Variants in MED12L observed in about 807,000 individuals in gnomAD.
The protein encoded by MED12L is mediator complex subunit 12L.
MED12L carries 60 observed loss-of-function variants against 281.3 expected under a neutral mutation model. That is an observed-to-expected ratio of 0.21 (90% CI 0.17 to 0.26). The LOEUF (loss-of-function observed/expected upper bound fraction) is 0.26. Ranked by LOEUF, MED12L falls within the 10% of genes least tolerant of loss-of-function variation. The pLI, the probability that MED12L is intolerant of heterozygous loss-of-function variation, is 1.00. For synonymous variants in MED12L, 974 were observed against 987.2 expected, an observed-to-expected ratio of 0.99 and a Z score of 0.25; for missense variants, 2,146 against 2,680.9, an observed-to-expected ratio of 0.80 and a Z score of 4.41.
At chr3:151,224,430 G>T (rs1299003090) in intron 16 of MED12L, among the ~76,000 whole-genome samples, 2 of 150,678 alleles carry the variant, frequency 1.3e-5, no homozygotes, top group Non-Finnish European at 2.9e-5. Context: ...AATCTCTCAT[G>T]CCTTAATGTT....
chr3:151,412,672 A>C (rs1717090667), intron 41 of MED12L, among the ~76,000 whole-genome samples: 1 of 152,208 alleles, frequency 6.6e-6, no homozygotes, highest in Non-Finnish European at 1.5e-5. Flanking sequence ...ACAAACTTGA[A>C]TTTCAAAGCC....
chr3:151,270,197 G>A (rs1024476938), intron 16 of MED12L: 1 of 3,856 alleles, frequency 2.6e-4, no homozygotes, highest in Admixed American at 5.3e-3. Flanking sequence ...GCAAGCTGTC[G>A]TGTGTGTGTG....
chr3:151,227,417 A>G (rs1246184918), intron 16 of MED12L, among the ~76,000 whole-genome samples: 2 of 151,604 alleles, frequency 1.3e-5, no homozygotes, highest in African/African-American at 4.9e-5. Flanking sequence ...TGAGAATGGT[A>G]AGGGGGGACG....
At chr3:151,161,571 A>G (rs1719989161) in intron 8 of MED12L, among the ~76,000 whole-genome samples, 1 of 152,102 alleles carries the variant, frequency 6.6e-6, no homozygotes, top group Non-Finnish European at 1.5e-5. Flanking sequence ...TAACAGTAAT[A>G]TTGTCATAAT....
chr3:151,294,289 C>T, intron 16 of MED12L: 2 of 1,613,846 alleles, frequency 1.2e-6, no homozygotes, highest in Non-Finnish European at 1.7e-6. Flanking sequence ...TTGAAAATGA[C>T]CTACACATGA....
intron 11 of MED12L, among the ~76,000 whole-genome samples, chr3:151,183,135 CAG>C (rs1448231256): frequency 6.6e-6 from 1 of 151,950 alleles, no homozygotes. Context: ...CCAAAACAAA[CAG>C]TGTTTTTCTT....
At chr3:151,373,121 C>T (rs759130661) in intron 27 of MED12L, among the ~76,000 whole-genome samples, 2 of 152,032 alleles carry the variant, frequency 1.3e-5, no homozygotes, top group African/African-American at 2.4e-5. Flanking sequence ...TATTAAACAT[C>T]AGAAAATTTA....
At chr3:151,364,843 A>T in intron 21 of MED12L, 136 bp from the exon 22 acceptor site, 1 of 642,864 alleles carries the variant, frequency 1.6e-6, no homozygotes, top group Non-Finnish European at 2.7e-6. Context: ...AAGAAGTTCT[A>T]ATTAAGAACT....
At position 151,337,972 on chromosome 3, in the gene MED12L, A is replaced by C. The variant is rs781386522; in HGVS notation, c.2251-12087A>C. On this transcript the variant is annotated intron_variant, in intron 16 of 44. Transcript: ENST00000687756. The stretch of plus-strand genomic sequence containing the variant: ...AAAAAATAGATGAACGGATCCAGGC[A>C]TGCATTTAAGGAAGTTAACCACAGA... 4 of 1,614,150 alleles carry C rather than the reference A, an allele frequency of 2.5e-6. No individual in the cohort carries two copies. In the South Asian group the frequency reaches 4.4e-5, roughly 18 times the overall value.
intron 16 of MED12L, chr3:151,198,357 A>G (rs200325714): frequency 2.7e-6 from 2 of 732,414 alleles, no homozygotes; most frequent in Non-Finnish European, 3.6e-6. Context: ...TTTTTTTTTT[A>G]TCTTTCAAAG....
Position 151,435,260 on chromosome 3 carries a change from A to G in MED12L, c.*2456A>G, listed in dbSNP as rs75480122. 8.0e-6 allele frequency: 1 copy of G among 124,690 alleles called. No homozygotes were observed. The highest frequency in any genetic ancestry group is 1.7e-5 in the Non-Finnish European group (1 of 57,806). 7.7% of individuals were successfully genotyped at this position (124,690 alleles called of 1,614,324 possible). A position where few individuals can be genotyped will look rare whatever the true frequency, so the allele number is the denominator to read the frequency against. On this transcript the variant is annotated 3_prime_UTR_variant, in exon 45 of 45. Coordinates refer to ENST00000687756, the MANE Select transcript of MED12L (RefSeq NM_001393769.1). Reference sequence around the variant, plus strand: ...TGGAGTCAGCTATACCTATCAATCAATCACAGTTCTTGGATATAAGAAGCC... The same window carrying G: ...TGGAGTCAGCTATACCTATCAATCAGTCACAGTTCTTGGATATAAGAAGCC...
At chr3:151,394,917 T>C (rs1467367772) in intron 39 of MED12L, 50 bp downstream of exon 39, 2 of 1,608,822 alleles carry the variant, frequency 1.2e-6, no homozygotes, top group Non-Finnish European at 8.5e-7. Context: ...TTACCTCTGC[T>C]AGCTTGGGAT....
chr3:151,404,914 T>C (rs1716113288), intron 39 of MED12L, among the ~76,000 whole-genome samples: 1 of 152,212 alleles, frequency 6.6e-6, no homozygotes, highest in South Asian at 2.1e-4. Context: ...TCTCATTTGA[T>C]TGAGGGTGTA....
chr3:151,274,877 C>T (rs1477290400), intron 16 of MED12L, among the ~76,000 whole-genome samples: 2 of 152,134 alleles, frequency 1.3e-5, no homozygotes, highest in Non-Finnish European at 2.9e-5. Context: ...TGTTGGCTGC[C>T]TCATTGTAAG....
At chr3:151,230,713 A>C (rs1358237597) in intron 16 of MED12L, among the ~76,000 whole-genome samples, 4 of 152,132 alleles carry the variant, frequency 2.6e-5, no homozygotes, top group African/African-American at 9.7e-5. Flanking sequence ...CAAAGTCCTT[A>C]ATAAAAAAAA....
chr3:151,361,452 T>C (rs947581093), intron 21 of MED12L, among the ~76,000 whole-genome samples: 1 of 152,096 alleles, frequency 6.6e-6, no homozygotes, highest in African/African-American at 2.4e-5. Flanking sequence ...ACTGAATTAA[T>C]CATAAAAAGG....
chr3:151,357,513 A>G, intron 20 of MED12L, 137 bp downstream of exon 20: 2 of 718,008 alleles, frequency 2.8e-6, no homozygotes, highest in Non-Finnish European at 2.1e-6. Flanking sequence ...CACTCTTGCC[A>G]GAAAACATCG....
intron 39 of MED12L, among the ~76,000 whole-genome samples, chr3:151,397,974 T>C (rs1715196410): frequency 1.3e-5 from 2 of 152,164 alleles, no homozygotes; most frequent in South Asian, 4.1e-4. Flanking sequence ...CTACGACAGT[T>C]TTCTAGTAAC....
intron 16 of MED12L, among the ~76,000 whole-genome samples, chr3:151,311,211 T>A (rs1042485459): frequency 6.6e-6 from 1 of 152,148 alleles, no homozygotes; most frequent in Non-Finnish European, 1.5e-5. Context: ...TGAGTACATT[T>A]TAGCATTTCT....
Sources: allele counts gnomAD v4.1 joint callset (sites outside exome capture counted in the v4.1 genomes callset), GRCh38; gene constraint gnomAD v4.1.1; transcripts MANE v1.5; gene names NCBI Gene and HGNC (gene_info 2026-07-23, HGNC 2026-07-21).